ERBB4: variants seen among roughly 807,000 people sequenced by gnomAD.
ERBB4 encodes the protein erb-b2 receptor tyrosine kinase 4.
A neutral mutation model predicts 158.0 loss-of-function variants in ERBB4; 42 were observed. The ratio of observed to expected loss-of-function variants is 0.27; its 90% CI spans 0.21 to 0.34. The LOEUF (loss-of-function observed/expected upper bound fraction) is 0.34. Ranked by LOEUF, ERBB4 falls within the 10% of genes least tolerant of loss-of-function variation. ERBB4 has a pLI of 1.00. For synonymous variants in ERBB4, 583 were observed against 558.7 expected (o/e 1.04, Z -0.61); for missense variants, 1,333 against 1,624.1 (o/e 0.82, Z 3.08).
chr2:211,389,853 TG>T (rs932595018), intron 25 of ERBB4, among the ~76,000 whole-genome samples: 4 of 152,158 alleles, frequency 2.6e-5, no homozygotes, highest in African/African-American at 9.7e-5. Flanking sequence ...ATTATAAAAA[TG>T]TAAAGGATAT....
chr2:211,497,240 C>T (rs1004951718), intron 20 of ERBB4, among the ~76,000 whole-genome samples: 2 of 151,852 alleles, frequency 1.3e-5, no homozygotes, highest in East Asian at 3.9e-4. Flanking sequence ...TTTAATAATT[C>T]TTAAGAAATA....
chr2:212,226,605 G>T (rs140126747), intron 1 of ERBB4, among the ~76,000 whole-genome samples: 34 of 152,184 alleles, frequency 2.2e-4, no homozygotes, highest in Admixed American at 1.6e-3. Context: ...CTTGTTACTT[G>T]CTGAAAGACA....
chr2:211,971,868 G>A (rs181253563), intron 2 of ERBB4, among the ~76,000 whole-genome samples: 1 of 152,230 alleles, frequency 6.6e-6, no homozygotes, highest in East Asian at 1.9e-4. Context: ...CACAAGACAA[G>A]GATACCCTCT....
At chr2:211,993,235 C>T (rs1032702394) in intron 2 of ERBB4, among the ~76,000 whole-genome samples, 4 of 152,084 alleles carry the variant, frequency 2.6e-5, no homozygotes, top group Non-Finnish European at 5.9e-5. Context: ...AGACCCTAAC[C>T]CAAGGGGATT....
At chr2:211,427,129 T>C (rs554816773) in intron 22 of ERBB4, among the ~76,000 whole-genome samples, 3 of 152,260 alleles carry the variant, frequency 2.0e-5, no homozygotes, top group Admixed American at 6.5e-5. Flanking sequence ...ACCCACTTGA[T>C]TGAAATGTCT....
rs371586022 is a variant in ERBB4, at chr2:211,508,128, A to G, written c.2487+53775T>C. Among the ~76,000 whole-genome samples the G allele has an allele frequency of 1.9e-3, 285 of 152,286 alleles. 3 individuals carry two copies. The highest frequency in any genetic ancestry group is 6.5e-3 in the African/African-American group (271 of 41,578). On this transcript the variant is annotated intron_variant, in intron 20 of 27. Transcript: ENST00000342788. ...GCAATTGCAACAAAACCCAAAATTG[A>G]CAAATGGGATCTAATCAAACTAAAG...
chr2:212,154,854 C>G (rs2080985564), intron 1 of ERBB4, among the ~76,000 whole-genome samples: 1 of 152,036 alleles, frequency 6.6e-6, no homozygotes, highest in Non-Finnish European at 1.5e-5. Flanking sequence ...TGAACCTGTT[C>G]AATATGCATT....
At chr2:211,643,128 T>C (rs1340713172) in intron 16 of ERBB4, among the ~76,000 whole-genome samples, 1 of 152,108 alleles carries the variant, frequency 6.6e-6, no homozygotes, top group African/African-American at 2.4e-5. Context: ...AACACACTAG[T>C]GATTTTTAAA....
At chr2:211,533,778 T>C (rs1397736279) in intron 20 of ERBB4, among the ~76,000 whole-genome samples, 1 of 152,126 alleles carries the variant, frequency 6.6e-6, no homozygotes, top group African/African-American at 2.4e-5. Context: ...TATTTGTATT[T>C]TCTTTTAAAT....
rs1559321000 is a variant in ERBB4 at position 212,015,089 on chromosome 2, TATATATATATATATATATATATA to T, written c.235-67496_235-67474del. Among the ~76,000 whole-genome samples the T allele has an allele frequency of 7.7e-4, 21 of 27,320 alleles. 4 individuals carry two copies. Among genetic ancestry groups the T allele is most frequent in the Non-Finnish European group, 1.2e-3 (17 of 13,778 alleles). The allele number at this position is 27,320 out of a possible 152,430, so 17.9% of individuals were successfully genotyped here. On this transcript the variant is annotated intron_variant, in intron 2 of 27. Transcript: ENST00000342788. ...ATATATATATATATATATATATATA[TATATATATATATATATATATATA>T]AAAATTAGCCGGGCATGGTGGCGGG...
intron 2 of ERBB4, among the ~76,000 whole-genome samples, chr2:211,989,020 T>A (rs1300131511): frequency 6.6e-6 from 1 of 152,034 alleles, no homozygotes. Flanking sequence ...TTTTCCAAGG[T>A]TCTTTTTTGT....
chr2:211,469,541 T>G (rs1574550928), intron 20 of ERBB4, among the ~76,000 whole-genome samples: 1 of 152,176 alleles, frequency 6.6e-6, no homozygotes, highest in Non-Finnish European at 1.5e-5. Context: ...CCTCCTAGGT[T>G]TGTTAATCTT....
chr2:211,651,954 G>A (rs1174569659), intron 16 of ERBB4, among the ~76,000 whole-genome samples: 1 of 152,072 alleles, frequency 6.6e-6, no homozygotes, highest in Admixed American at 6.6e-5. Flanking sequence ...GTTTTGTTTT[G>A]TTTGTTTATT....
intron 3 of ERBB4, among the ~76,000 whole-genome samples, chr2:211,828,915 T>C (rs577337738): frequency 6.6e-6 from 1 of 152,248 alleles, no homozygotes; most frequent in East Asian, 1.9e-4. Flanking sequence ...CTCCTTCGTG[T>C]TGAGGTTTCA....
chr2:211,777,141 C>T (rs929005941), intron 4 of ERBB4: 3 of 152,074 alleles, frequency 2.0e-5, no homozygotes, highest in Non-Finnish European at 4.4e-5. Flanking sequence ...CATGCATGAG[C>T]GTATATGCGT....
chr2:211,833,376 C>T (rs1235687716), intron 3 of ERBB4, among the ~76,000 whole-genome samples: 2 of 152,062 alleles, frequency 1.3e-5, no homozygotes, highest in Non-Finnish European at 2.9e-5. Context: ...AAAGAAACTC[C>T]TTTACATTGA....
At chr2:212,515,665 T>C (rs1402544838) in intron 1 of ERBB4, among the ~76,000 whole-genome samples, 1 of 151,946 alleles carries the variant, frequency 6.6e-6, no homozygotes, top group Admixed American at 6.5e-5. Flanking sequence ...AATTATTCAT[T>C]GATATTTGTA....
At chr2:212,186,435 A>AT (rs1167752210) in intron 1 of ERBB4, among the ~76,000 whole-genome samples, 5 of 152,144 alleles carry the variant, frequency 3.3e-5, no homozygotes, top group African/African-American at 1.2e-4. Context: ...AACTTGGCTA[A>AT]TTTTTTATTT....
At chr2:212,146,986 CTT>C (rs34029473) in intron 1 of ERBB4, among the ~76,000 whole-genome samples, 8 of 77,448 alleles carry the variant, frequency 1.0e-4, no homozygotes, top group Non-Finnish European at 1.8e-4. Context: ...CATTGTTAGA[CTT>C]TTTTTTTTTT....
Sources: allele counts gnomAD v4.1 joint callset (sites outside exome capture counted in the v4.1 genomes callset), GRCh38; gene constraint gnomAD v4.1.1; transcripts MANE v1.5; gene names NCBI Gene and HGNC (gene_info 2026-07-23, HGNC 2026-07-21).